Variants in RNF212B observed in about 807,000 individuals in gnomAD.
RNF212B encodes E3 ubiquitin-protein ligase RNF212B.
A neutral mutation model predicts 55.5 loss-of-function variants in RNF212B; 52 were observed. The ratio of observed to expected loss-of-function variants is 0.94; its 90% CI spans 0.75 to 1.18. The LOEUF (loss-of-function observed/expected upper bound fraction) is 1.18. Among genes scored for constraint, RNF212B ranks in the 50% most tolerant of loss-of-function variants. The pLI, the probability that RNF212B is intolerant of heterozygous loss-of-function variation, is 0.00. For synonymous variants in RNF212B, 99 were observed against 121.4 expected (o/e 0.82, Z 1.21); for missense variants, 289 against 350.4 (o/e 0.82, Z 1.40).
At chr14:23,205,327 T>A (rs1012605615) in intron 2 of RNF212B, among the ~76,000 whole-genome samples, 133 of 145,804 alleles carry the variant, frequency 9.1e-4, no homozygotes, top group Middle Eastern at 7.2e-3. Context: ...TTTTTTTTTT[T>A]AAGCAAGAAT....
At chr14:23,241,667 G>T (rs369283082) in intron 2 of RNF212B, among the ~76,000 whole-genome samples, 2 of 151,838 alleles carry the variant, frequency 1.3e-5, no homozygotes, top group African/African-American at 4.8e-5. Flanking sequence ...CAAGTGATCC[G>T]CCTGCCTCAG....
At chr14:23,186,174 T>C (rs376186922) in intron 1 of RNF212B, among the ~76,000 whole-genome samples, 2 of 152,104 alleles carry the variant, frequency 1.3e-5, no homozygotes, top group East Asian at 1.9e-4. Flanking sequence ...GGGAGCATTA[T>C]TTATATTAAG....
At chr14:23,209,427 T>C (rs1192018734) in intron 2 of RNF212B, among the ~76,000 whole-genome samples, 1 of 152,200 alleles carries the variant, frequency 6.6e-6, no homozygotes, top group Admixed American at 6.5e-5. Flanking sequence ...TTGCTCTGGT[T>C]CACACACCTC....
chr14:23,262,587 G>T (rs1479933902), intron 7 of RNF212B, 78 bp from the exon 8 acceptor site: 9 of 1,201,474 alleles, frequency 7.5e-6, no homozygotes, highest in Non-Finnish European at 1.1e-5. Context: ...TATAAACAAT[G>T]ATCTGATTGA....
chr14:23,269,173 A>G (rs1885902530), intron 12 of RNF212B, among the ~76,000 whole-genome samples: 1 of 152,130 alleles, frequency 6.6e-6, no homozygotes, highest in South Asian at 2.1e-4. Context: ...GAGCGGTGTC[A>G]CGTGCCTGTA....
chr14:23,267,148 A>G (rs1885764545), intron 11 of RNF212B, among the ~76,000 whole-genome samples: 1 of 150,584 alleles, frequency 6.6e-6, no homozygotes, highest in Admixed American at 6.6e-5. Context: ...TTTTTATTTC[A>G]ATTTTCATGT....
chr14:23,215,101 G>A (rs1360351329), intron 2 of RNF212B, among the ~76,000 whole-genome samples: 5 of 152,106 alleles, frequency 3.3e-5, no homozygotes, highest in Admixed American at 6.6e-5. Context: ...TGGATCATGC[G>A]GGCAGTTTCC....
At chr14:23,217,602 G>C (rs1005130134) in intron 2 of RNF212B, among the ~76,000 whole-genome samples, 2 of 152,124 alleles carry the variant, frequency 1.3e-5, no homozygotes, top group Non-Finnish European at 2.9e-5. Flanking sequence ...GGGGGAGAAA[G>C]TAAGGGAAAA....
intron 1 of RNF212B, among the ~76,000 whole-genome samples, chr14:23,188,850 A>T (rs1006852044): frequency 6.6e-6 from 1 of 152,128 alleles, no homozygotes; most frequent in African/African-American, 2.4e-5. Flanking sequence ...CAGTACCTAA[A>T]ATGGTGCCTG....
At chr14:23,242,436 C>T (rs1883669242) in intron 2 of RNF212B, among the ~76,000 whole-genome samples, 1 of 152,184 alleles carries the variant, frequency 6.6e-6, no homozygotes, top group African/African-American at 2.4e-5. Flanking sequence ...AGTAGCAGAG[C>T]TTCAAAGCAA....
At chr14:23,271,962 C>T (rs1244261255) in intron 14 of RNF212B, among the ~76,000 whole-genome samples, 1 of 152,062 alleles carries the variant, frequency 6.6e-6, no homozygotes, top group East Asian at 1.9e-4. Context: ...TAGGTACATA[C>T]TAAAGTATTT....
In RNF212B at chr14:23,264,689, G is replaced by A. The variant is rs1885548683; in HGVS notation, c.634+18G>A. 1 of 1,276,016 alleles carries A rather than the reference G, an allele frequency of 7.8e-7. No individual in the cohort carries two copies. Among genetic ancestry groups the A allele is most frequent in the Non-Finnish European group, 1.0e-6 (1 of 1,001,356 alleles). The allele number at this position is 1,276,016 out of a possible 1,614,324, so 79.0% of individuals were successfully genotyped here. A position where few individuals can be genotyped will look rare whatever the true frequency, so the allele number is the denominator to read the frequency against. ...TTATAATGGTGAGGTGGGGGGAAAA[G>A]GGTGTCAGAAATCAACTTACTCTAT... is the stretch of plus-strand genomic sequence containing the variant. On this transcript the variant is annotated intron_variant, in intron 11 of 14. Transcript: ENST00000430154.
At chr14:23,229,791 A>C (rs761427295) in intron 2 of RNF212B, among the ~76,000 whole-genome samples, 1 of 152,132 alleles carries the variant, frequency 6.6e-6, no homozygotes, top group Non-Finnish European at 1.5e-5. Context: ...TCACATATTT[A>C]TTACTGAACC....
intron 2 of RNF212B, among the ~76,000 whole-genome samples, chr14:23,198,956 G>T (rs1488347103): frequency 6.6e-6 from 1 of 152,146 alleles, no homozygotes; most frequent in African/African-American, 2.4e-5. Context: ...GTATATACAT[G>T]AGTCGGTATA....
chr14:23,258,925 C>T (rs969814583), intron 5 of RNF212B, among the ~76,000 whole-genome samples: 2 of 151,776 alleles, frequency 1.3e-5, no homozygotes, highest in South Asian at 2.1e-4. Flanking sequence ...GTGGCTCACA[C>T]CTGTAATCCC....
chr14:23,268,910 T>C lies in RNF212B; in HGVS notation c.635-14T>C. On this transcript the variant is annotated splice_polypyrimidine_tract_variant and intron_variant, in intron 11 of 14. Transcript: ENST00000430154. ...TCATGGATTATCTCACAGGCTTATT[T>C]TTATGCTTTCCAGAAACCCCTTCAC... 6.5e-7 allele frequency: 1 copy of C among 1,549,062 alleles called. No individual in the cohort carries two copies. Among genetic ancestry groups the C allele is most frequent in the Non-Finnish European group, 8.7e-7 (1 of 1,145,370 alleles).
intron 11 of RNF212B, 147 bp downstream of exon 11, chr14:23,264,818 GTT>G (rs35272583): frequency 0.056 from 14,852 of 266,402 alleles, 162 homozygotes; most frequent in Middle Eastern, 0.11. Context: ...ATATTACAAG[GTT>G]TTTTTTTTTT....
chr14:23,191,458 CTTGT>C (rs902988476), intron 1 of RNF212B, among the ~76,000 whole-genome samples: 12 of 151,152 alleles, frequency 7.9e-5, no homozygotes, highest in African/African-American at 2.9e-4. Flanking sequence ...TTGTTTGTTC[CTTGT>C]TTGTCTTTCC....
intron 11 of RNF212B, among the ~76,000 whole-genome samples, chr14:23,268,666 A>G (rs1885861180): frequency 6.6e-6 from 1 of 152,170 alleles, no homozygotes; most frequent in Admixed American, 6.5e-5. Context: ...CTTAGAGGGG[A>G]AACCAAGGCA....
Sources: allele counts gnomAD v4.1 joint callset (sites outside exome capture counted in the v4.1 genomes callset), GRCh38; gene constraint gnomAD v4.1.1; transcripts MANE v1.5; gene names NCBI Gene and HGNC (gene_info 2026-07-23, HGNC 2026-07-21).